ELAVL2: variants seen among roughly 807,000 people sequenced by gnomAD.
ELAVL2 encodes ELAV like RNA binding protein 2.
In ELAVL2, 4 loss-of-function variants were observed where a neutral mutation model predicts 34.6. The observed-to-expected ratio is 0.12, with a 90% CI of 0.06 to 0.26. The LOEUF is 0.26. Ranked by LOEUF, ELAVL2 falls within the 10% of genes least tolerant of loss-of-function variation. The pLI is 1.00. For missense variants in ELAVL2, 432 were observed against 442.8 expected (o/e 0.98, Z 0.22); for synonymous variants, 193 against 154.8 (o/e 1.25, Z -1.83).
At chr9:23,814,855 G>A (rs1206634446) in intron 1 of ELAVL2, among the ~76,000 whole-genome samples, 1 of 152,102 alleles carries the variant, frequency 6.6e-6, no homozygotes, top group Non-Finnish European at 1.5e-5. Flanking sequence ...AAGATCAAGT[G>A]CTCCAGAAAT....
intron 1 of ELAVL2, among the ~76,000 whole-genome samples, chr9:23,788,699 C>CT: frequency 1.3e-5 from 2 of 152,292 alleles, no homozygotes; most frequent in East Asian, 3.9e-4. Flanking sequence ...CATCACTACT[C>CT]TTGTGCTTTG....
chr9:23,736,319 T>G lies in ELAVL2; in HGVS notation c.230-5194A>C, dbSNP rs529419598. Among the ~76,000 whole-genome samples the G allele has an allele frequency of 2.0e-5, 3 of 152,258 alleles. No individual in the cohort carries two copies. The South Asian group carries it at 6.2e-4, about 32-fold the overall frequency. ...CACCCTACAAATTTCTCATCTACAA[T>G]AAGCATTCAATAACTATGGGAACCA... On this transcript the variant is annotated intron_variant, in intron 2 of 6. Coordinates refer to ENST00000397312, the MANE Select transcript of ELAVL2 (RefSeq NM_004432.5).
At chr9:23,711,058 T>A (rs759046134) in intron 3 of ELAVL2, among the ~76,000 whole-genome samples, 1 of 152,144 alleles carries the variant, frequency 6.6e-6, no homozygotes, top group Non-Finnish European at 1.5e-5. Context: ...AGTCCAATAT[T>A]AAGTTTTCAA....
chr9:23,716,622 T>C (rs1316631062), intron 3 of ELAVL2, among the ~76,000 whole-genome samples: 1 of 152,176 alleles, frequency 6.6e-6, no homozygotes, highest in Non-Finnish European at 1.5e-5. Flanking sequence ...AGGTTATAAA[T>C]AAAAACATTC....
chr9:23,823,327 A>T (rs1346226811), intron 1 of ELAVL2, among the ~76,000 whole-genome samples: 1 of 152,210 alleles, frequency 6.6e-6, no homozygotes, highest in East Asian at 1.9e-4. Context: ...TTAATTTGTC[A>T]ATCCAAACCT....
intron 1 of ELAVL2, among the ~76,000 whole-genome samples, chr9:23,767,537 T>C (rs2056533258): frequency 6.6e-6 from 1 of 152,058 alleles, no homozygotes; most frequent in South Asian, 2.1e-4. Flanking sequence ...TCCCAGCACT[T>C]TGGGAGGCTG....
At chr9:23,843,748 C>A in the ELAVL2 span, among the ~76,000 whole-genome samples, 1 of 151,946 alleles carries the variant, frequency 6.6e-6, no homozygotes, top group African/African-American at 2.4e-5. Context: ...CTTTTGTGTG[C>A]CTTTCACAGT....
chr9:23,837,008 A>G, the ELAVL2 span, among the ~76,000 whole-genome samples: 2 of 152,234 alleles, frequency 1.3e-5, no homozygotes, highest in Non-Finnish European at 2.9e-5. Context: ...ACTCCTTGCA[A>G]TGAGGAGGCA....
intron 1 of ELAVL2, among the ~76,000 whole-genome samples, chr9:23,810,556 A>T (rs1396790525): frequency 1.3e-5 from 2 of 152,168 alleles, no homozygotes; most frequent in African/African-American, 4.8e-5. Context: ...GAAGCAATAC[A>T]TTCTCAAACA....
chr9:23,821,336 A>T (rs2064668579), intron 1 of ELAVL2: 1 of 151,776 alleles, frequency 6.6e-6, no homozygotes, highest in African/African-American at 2.4e-5. Context: ...CGCCGCCCCC[A>T]ACCTGCTTGT....
chr9:23,744,179 G>T (rs916707241), intron 2 of ELAVL2, among the ~76,000 whole-genome samples: 1 of 152,042 alleles, frequency 6.6e-6, no homozygotes, highest in African/African-American at 2.4e-5. Context: ...TCTGATGCTC[G>T]CCCCCACCTA....
intron 2 of ELAVL2, among the ~76,000 whole-genome samples, chr9:23,742,767 G>A (rs757107347): frequency 6.6e-5 from 10 of 152,118 alleles, no homozygotes; most frequent in African/African-American, 1.4e-4. Context: ...TATAAATAAC[G>A]TGATTTTTCT....
chr9:23,747,427 G>T (rs975131338), intron 2 of ELAVL2, among the ~76,000 whole-genome samples: 3 of 152,128 alleles, frequency 2.0e-5, no homozygotes, highest in Admixed American at 6.5e-5. Context: ...GAGGACTACG[G>T]TATTTCATGG....
intron 1 of ELAVL2, among the ~76,000 whole-genome samples, chr9:23,771,046 T>G (rs1381603958): frequency 6.6e-6 from 1 of 151,862 alleles, no homozygotes; most frequent in African/African-American, 2.4e-5. Flanking sequence ...AGCAAAAGAG[T>G]AGCATGTGGC....
At chr9:23,724,389 C>G (rs547908156) in intron 3 of ELAVL2, among the ~76,000 whole-genome samples, 1 of 152,294 alleles carries the variant, frequency 6.6e-6, no homozygotes, top group Non-Finnish European at 1.5e-5. Flanking sequence ...AATTAACTCT[C>G]ACTTTGGAGT....
At chr9:23,739,806 C>T (rs73470832) in intron 2 of ELAVL2, among the ~76,000 whole-genome samples, 4,814 of 152,060 alleles carry the variant, frequency 0.032, 256 homozygotes, top group African/African-American at 0.11. Context: ...CGCACACACC[C>T]CCCCCACTAA....
intron 1 of ELAVL2, among the ~76,000 whole-genome samples, chr9:23,768,612 C>A (rs181546062): frequency 3.4e-4 from 51 of 152,166 alleles, no homozygotes; most frequent in African/African-American, 1.2e-3. Flanking sequence ...CCACCCTCAC[C>A]CACTGAAATC....
At chr9:23,747,134 G>A (rs1564242727) in intron 2 of ELAVL2, among the ~76,000 whole-genome samples, 1 of 151,622 alleles carries the variant, frequency 6.6e-6, no homozygotes, top group Non-Finnish European at 1.5e-5. Context: ...ACCACAGATA[G>A]TACTGAATCC....
chr9:23,808,850 C>T (rs934344959), intron 1 of ELAVL2, among the ~76,000 whole-genome samples: 2 of 152,070 alleles, frequency 1.3e-5, no homozygotes, highest in African/African-American at 2.4e-5. Flanking sequence ...AACTATAACA[C>T]CCAAAACTTA....
Sources: gnomAD v4.1 joint callset for allele counts (sites outside exome capture counted in the v4.1 genomes callset) on GRCh38, gnomAD v4.1.1 for gene constraint, MANE v1.5 for transcripts, NCBI Gene and HGNC (gene_info 2026-07-23, HGNC 2026-07-21) for gene names.